SLC25A12: variants seen among roughly 807,000 people sequenced by gnomAD.
SLC25A12 encodes solute carrier family 25 member 12.
In SLC25A12, 32 loss-of-function variants were observed where a neutral mutation model predicts 83.3. The observed-to-expected ratio is 0.38, with a 90% CI of 0.29 to 0.52. The LOEUF (loss-of-function observed/expected upper bound fraction) is 0.52, where lower values mean the gene tolerates loss of function less well. SLC25A12 is among the 20% of genes least tolerant of loss of function. The pLI, the probability that SLC25A12 is intolerant of heterozygous loss-of-function variation, is 0.84. For missense variants in SLC25A12, 611 were observed against 835.6 expected, an observed-to-expected ratio of 0.73 and a Z score of 3.31; for synonymous variants, 267 against 291.1, an observed-to-expected ratio of 0.92 and a Z score of 0.84.
rs750049648 is a variant in SLC25A12, at chr2:171,791,579, G to A, written c.1457C>T (p.Ala486Val). ...GAAGGGAATGTCTCGGAGGAAACAC[G>A]CTTTGGCACCCTGTCACACAGTGAG... ...GIFGLYKGAKACFLRDIPFSA... is the reference protein window; with the variant it reads ...GIFGLYKGAKVCFLRDIPFSA... Residue 486 changes from alanine (A) to valine (V), a missense_variant, in exon 15 of 18, where the codon GCG becomes GTG. Coordinates refer to ENST00000422440, the MANE Select transcript of SLC25A12 (RefSeq NM_003705.5). 6.2e-6 allele frequency: 10 copies of A among 1,613,908 alleles called. No individual in the cohort carries two copies. The highest frequency in any genetic ancestry group is 8.5e-6 in the Non-Finnish European group (10 of 1,179,800).
rs535118894 is a variant in SLC25A12 at position 171,825,875 on chromosome 2, C to A, written c.930+923G>T. Among the ~76,000 whole-genome samples the A allele has an allele frequency of 2.0e-5, 3 of 152,238 alleles. No homozygotes were observed. In the South Asian group the frequency reaches 6.2e-4, roughly 32 times the overall value. ...TCTTCAAGGTAATTTCATGGATTTT[C>A]TTTTTCTTACCAAGATAGTATTTGT... On this transcript the variant is annotated intron_variant, in intron 9 of 17. Transcript: ENST00000422440.
chr2:171,862,407 TG>T (rs2105911221), intron 3 of SLC25A12, among the ~76,000 whole-genome samples: 1 of 152,366 alleles, frequency 6.6e-6, no homozygotes, highest in African/African-American at 2.4e-5. Flanking sequence ...ACTTGGCTAA[TG>T]GCTTTTACTT....
intron 2 of SLC25A12, among the ~76,000 whole-genome samples, chr2:171,875,280 T>A (rs1369350931): frequency 1.3e-5 from 2 of 152,232 alleles, no homozygotes; most frequent in African/African-American, 2.4e-5. Context: ...CTTAATCCGC[T>A]GCTCATTGGC....
chr2:171,832,887 C>T (rs1684472861), intron 8 of SLC25A12, among the ~76,000 whole-genome samples: 1 of 152,138 alleles, frequency 6.6e-6, no homozygotes, highest in Non-Finnish European at 1.5e-5. Flanking sequence ...TTTATATCAA[C>T]CAATCAGGAT....
intron 14 of SLC25A12, among the ~76,000 whole-genome samples, chr2:171,792,639 A>G (rs1233052248): frequency 6.6e-6 from 1 of 152,030 alleles, no homozygotes; most frequent in Non-Finnish European, 1.5e-5. Flanking sequence ...CATTGAAAAA[A>G]AAAAAATCCA....
intron 13 of SLC25A12, among the ~76,000 whole-genome samples, chr2:171,803,957 G>A (rs1269894737): frequency 6.6e-6 from 1 of 152,060 alleles, no homozygotes; most frequent in African/African-American, 2.4e-5. Flanking sequence ...AATTACAGTT[G>A]TCATATGACA....
chr2:171,873,239 G>A (rs531153863), intron 2 of SLC25A12, among the ~76,000 whole-genome samples: 1 of 152,112 alleles, frequency 6.6e-6, no homozygotes, highest in Admixed American at 6.6e-5. Context: ...ACGAGGTCAG[G>A]AGATCGAGGC....
chr2:171,809,807 T>A, intron 12 of SLC25A12, 121 bp from the exon 13 acceptor site: 1 of 769,836 alleles, frequency 1.3e-6, no homozygotes, highest in Non-Finnish European at 2.3e-6. Context: ...TATCAAATGC[T>A]TACATGTAAA....
chr2:171,787,838 C>T lies in SLC25A12; in HGVS notation c.1695G>A (p.Arg565=). The change falls in exon 16 of 18, where the codon AGG becomes AGA. Residue 565 remains arginine, a synonymous_variant. Coordinates refer to ENST00000422440, the MANE Select transcript of SLC25A12 (RefSeq NM_003705.5). The stretch of plus-strand genomic sequence containing the variant: ...AGGGCCCTTCTTCCCGGAGAATCTT[C>T]CTGAAACAGTCGATGACACCACTGT... ...TTYSGVIDCF[R]KILREEGPSA... is the part of the protein sequence containing the mutation. 1 of 1,614,232 alleles carries T rather than the reference C, an allele frequency of 6.2e-7. No homozygotes were observed. The highest frequency in any genetic ancestry group is 8.5e-7 in the Non-Finnish European group (1 of 1,180,044).
chr2:171,855,691 A>G, intron 4 of SLC25A12, 143 bp downstream of exon 4: 3 of 699,682 alleles, frequency 4.3e-6, no homozygotes, highest in Admixed American at 2.2e-5. Context: ...TAAAGCCATC[A>G]TTATCTGCAT....
At chr2:171,819,636 T>G (rs938602086) in intron 9 of SLC25A12, among the ~76,000 whole-genome samples, 2 of 151,140 alleles carry the variant, frequency 1.3e-5, no homozygotes, top group African/African-American at 4.9e-5. Flanking sequence ...TAGCTAATAA[T>G]AGACTAATAA....
chr2:171,813,483 C>A lies in SLC25A12; in HGVS notation c.1027G>T (p.Ala343Ser). ...TTCACCAGATCTATAGGATACACTG[C>A]AGTGGCTCCCACAGCTACAAACAGA... is the stretch of plus-strand genomic sequence containing the variant. ...GSVAGAVGAT[A>S]VYPIDLVKTR... is the part of the protein sequence containing the mutation. Residue 343 changes from alanine (A) to serine (S), a missense_variant, in exon 11 of 18, where the codon GCA becomes TCA. This residue lies in a region of SLC25A12 where 540 missense variants were observed against 777.5 expected (regional missense o/e 0.69). Transcript: ENST00000422440. 2 of 1,614,018 alleles carry A rather than the reference C, an allele frequency of 1.2e-6. No homozygotes were observed. Among genetic ancestry groups the A allele is most frequent in the Non-Finnish European group, 1.7e-6 (2 of 1,179,944 alleles).
At chr2:171,881,399 G>A (rs192086550) in intron 2 of SLC25A12, among the ~76,000 whole-genome samples, 352 of 152,208 alleles carry the variant, frequency 2.3e-3, no homozygotes, top group African/African-American at 7.8e-3. Flanking sequence ...TGATCCAGCC[G>A]CCTCGGCCTC....
chr2:171,799,029 C>T (rs1451789881), intron 13 of SLC25A12, among the ~76,000 whole-genome samples: 1 of 151,392 alleles, frequency 6.6e-6, no homozygotes, highest in East Asian at 2.1e-4. Flanking sequence ...CATGCAAGCA[C>T]ACAGCAGCAA....
intron 14 of SLC25A12, 120 bp downstream of exon 14, chr2:171,793,507 G>T: frequency 2.0e-6 from 2 of 1,018,940 alleles, no homozygotes; most frequent in Admixed American, 1.9e-5. Flanking sequence ...CTTTTTGTTT[G>T]ATTTTCTGCT....
At chr2:171,847,331 T>C (rs1016514694) in intron 4 of SLC25A12, among the ~76,000 whole-genome samples, 7 of 152,228 alleles carry the variant, frequency 4.6e-5, no homozygotes, top group East Asian at 1.9e-4. Context: ...AATTCATAAA[T>C]TGCCACTTTA....
chr2:171,793,564 A>C lies in SLC25A12; in HGVS notation c.1446+63T>G, dbSNP rs543155661. The C allele has an allele frequency of 1.6e-5, 24 of 1,522,662 alleles. 1 individual carries two copies. In the Admixed American group the frequency reaches 3.7e-4, roughly 23 times the overall value. 94.3% of individuals were successfully genotyped at this position (1,522,662 alleles called of 1,614,324 possible). Reference sequence around the variant, plus strand: ...AAGATTGCTTTTCAACTTGGAGGGAAGAAGTCTGGTTTCCACATTCTTTCA... The same window carrying C: ...AAGATTGCTTTTCAACTTGGAGGGACGAAGTCTGGTTTCCACATTCTTTCA... On this transcript the variant is annotated intron_variant, in intron 14 of 17. Transcript: ENST00000422440.
At chr2:171,864,201 CAAAGTTTGT>C (rs1685231442) in intron 3 of SLC25A12, among the ~76,000 whole-genome samples, 1 of 152,172 alleles carries the variant, frequency 6.6e-6, no homozygotes, top group African/African-American at 2.4e-5. Context: ...CCTAGTTTCT[CAAAGTTTGT>C]CACACAAGCA....
rs1690463766 is a variant in SLC25A12, at chr2:171,785,169, C to A, written c.*105G>T. 2.0e-6 allele frequency: 2 copies of A among 1,009,078 alleles called. No individual in the cohort carries two copies. The allele number at this position is 1,009,078 out of a possible 1,614,324, so 62.5% of individuals were successfully genotyped here. A position where few individuals can be genotyped will look rare whatever the true frequency, so the allele number is the denominator to read the frequency against. ...GTCATACAGAAAGAAGAGTTTGACTCCTCAGCTCAGTCAGTACCATGCAGC... is the reference window on the plus strand; with the variant it reads ...GTCATACAGAAAGAAGAGTTTGACTACTCAGCTCAGTCAGTACCATGCAGC... On this transcript the variant is annotated 3_prime_UTR_variant, in exon 18 of 18. Coordinates refer to ENST00000422440, the MANE Select transcript of SLC25A12 (RefSeq NM_003705.5).
Sources: allele counts gnomAD v4.1 joint callset (sites outside exome capture counted in the v4.1 genomes callset), GRCh38; gene constraint gnomAD v4.1.1; regional missense constraint gnomAD v4.1.1; transcripts MANE v1.5; gene names NCBI Gene and HGNC (gene_info 2026-07-23, HGNC 2026-07-21).